The following GLB1 variants were observed in gnomAD, a reference collection of about 807,000 sequenced individuals.
GLB1 encodes galactosidase beta 1, also known as beta-galactosidase.
GLB1 carries 56 observed loss-of-function variants against 74.0 expected under a neutral mutation model. The ratio of observed to expected loss-of-function variants is 0.76; its 90% CI spans 0.61 to 0.94. The LOEUF is 0.94. Among genes scored for constraint, GLB1 ranks in the 40% least tolerant of loss-of-function variants. GLB1 has a pLI of 0.00. For synonymous variants in GLB1, 323 were observed against 323.6 expected, an observed-to-expected ratio of 1.00 and a Z score of 0.02; for missense variants, 787 against 845.5, an observed-to-expected ratio of 0.93 and a Z score of 0.86.
At chr3:33,072,840 G>T in intron 1 of GLB1, 127 bp from the exon 2 acceptor site, 1 of 1,443,058 alleles carries the variant, frequency 6.9e-7, no homozygotes, top group Non-Finnish European at 9.4e-7. Flanking sequence ...CTTAATGCTT[G>T]TTTTCTGAGC....
chr3:33,020,249 G>C (rs900189133), intron 12 of GLB1, among the ~76,000 whole-genome samples: 2 of 152,146 alleles, frequency 1.3e-5, no homozygotes, highest in Admixed American at 6.5e-5. Flanking sequence ...AAAATCACAG[G>C]TGTAAAAACA....
chr3:33,048,822 T>C (rs1698851488), intron 9 of GLB1, among the ~76,000 whole-genome samples: 1 of 152,310 alleles, frequency 6.6e-6, no homozygotes, highest in East Asian at 1.9e-4. Context: ...GCTTCACCCC[T>C]TGCCAGCTGA....
At chr3:33,051,181 C>T (rs1698961046) in intron 9 of GLB1, among the ~76,000 whole-genome samples, 1 of 132,298 alleles carries the variant, frequency 7.6e-6, no homozygotes, top group Non-Finnish European at 1.5e-5. Flanking sequence ...TGCAGTGAGC[C>T]AAGATTTGCA....
chr3:33,018,418 CA>C (rs1361109475), intron 13 of GLB1, 29 bp downstream of exon 13: 1 of 1,589,714 alleles, frequency 6.3e-7, no homozygotes. Context: ...CTCACTGGGA[CA>C]AAACGCACAG....
the GLB1 span, among the ~76,000 whole-genome samples, chr3:32,990,702 G>A: frequency 3.3e-5 from 5 of 152,284 alleles, no homozygotes; most frequent in Admixed American, 2.0e-4. Flanking sequence ...AGTCGGGCGC[G>A]GTGGCTCACG....
the GLB1 span, among the ~76,000 whole-genome samples, chr3:32,978,589 G>A: frequency 6.6e-6 from 1 of 152,030 alleles, no homozygotes; most frequent in African/African-American, 2.4e-5. Context: ...GCAACAACTC[G>A]GCAGAGAGAG....
intron 1 of GLB1, among the ~76,000 whole-genome samples, chr3:33,075,463 C>G (rs1700071984): frequency 6.6e-6 from 1 of 152,224 alleles, no homozygotes; most frequent in Admixed American, 6.5e-5. Flanking sequence ...CTAAATATCT[C>G]CCTACCATCC....
chr3:33,043,850 A>AG (rs1195868707), intron 10 of GLB1, among the ~76,000 whole-genome samples: 1 of 56,610 alleles, frequency 1.8e-5, no homozygotes, highest in Non-Finnish European at 4.3e-5. Context: ...AAAAGAAAAA[A>AG]AAAAAAAAAA....
chr3:33,088,368 T>TACACACAC (rs55949952), intron 1 of GLB1, among the ~76,000 whole-genome samples: 30 of 141,718 alleles, frequency 2.1e-4, no homozygotes, highest in African/African-American at 6.3e-4. Flanking sequence ...CCCTAAAGAC[T>TACACACAC]ACACACACAC....
the GLB1 span, among the ~76,000 whole-genome samples, chr3:32,970,002 C>T: frequency 6.6e-6 from 1 of 152,310 alleles, no homozygotes; most frequent in African/African-American, 2.4e-5. Flanking sequence ...TGTTCATTTG[C>T]ACCTTTTCAG....
At chr3:33,045,171 A>G (rs936222863) in intron 10 of GLB1, 1 of 254,508 alleles carries the variant, frequency 3.9e-6, no homozygotes, top group African/African-American at 2.3e-5. Flanking sequence ...TTCAAGCTTT[A>G]CAGCACAACC....
At chr3:33,046,264 C>T in intron 9 of GLB1, 32 bp from the exon 10 acceptor site, 1 of 1,612,240 alleles carries the variant, frequency 6.2e-7, no homozygotes, top group Non-Finnish European at 8.5e-7. Flanking sequence ...CTAGTTATTA[C>T]TGATGGTGCA....
At chr3:33,094,378 T>C in intron 1 of GLB1, 2 of 1,369,050 alleles carry the variant, frequency 1.5e-6, no homozygotes, top group Admixed American at 3.3e-5. Context: ...CAAAGGCCAC[T>C]TACATCTGCC....
chr3:33,045,317 T>C (rs1182577513), intron 10 of GLB1: 2 of 961,928 alleles, frequency 2.1e-6, no homozygotes, highest in Non-Finnish European at 2.5e-6. Context: ...CAAACATTTA[T>C]TGAGTGCCAT....
At position 33,072,767 on chromosome 3, in the gene GLB1, G is replaced by T. The variant is rs149688811; in HGVS notation, c.76-54C>A. 86 of 1,611,020 alleles carry T rather than the reference G, an allele frequency of 5.3e-5. No individual in the cohort carries two copies. In the African/African-American group the frequency reaches 1.0e-3, roughly 19 times the overall value. Reference sequence around the variant, plus strand: ...AACTTCCACCTTCTGCATTTCAGAAGCCGATCCTTTGAGAGTAGCAAGTGA... The same window carrying T: ...AACTTCCACCTTCTGCATTTCAGAATCCGATCCTTTGAGAGTAGCAAGTGA... On this transcript the variant is annotated intron_variant, in intron 1 of 15. Transcript: ENST00000307363.
chr3:33,026,003 G>A (rs896979306), intron 10 of GLB1, among the ~76,000 whole-genome samples: 2 of 152,176 alleles, frequency 1.3e-5, no homozygotes, highest in Admixed American at 6.5e-5. Context: ...GTCACCCGCT[G>A]GTGGGGGAGC....
chr3:32,997,475 G>A, intron 15 of GLB1, 131 bp from the exon 16 acceptor site: 1 of 1,447,238 alleles, frequency 6.9e-7, no homozygotes, highest in East Asian at 2.5e-5. Context: ...GAGGCTGACA[G>A]CCAGGCCCAT....
At chr3:32,982,102 T>C in the GLB1 span, among the ~76,000 whole-genome samples, 5 of 152,086 alleles carry the variant, frequency 3.3e-5, no homozygotes, top group African/African-American at 9.6e-5. Flanking sequence ...TCAACTGAGG[T>C]TGGGAGTTTG....
the GLB1 span, among the ~76,000 whole-genome samples, chr3:32,972,562 C>T: frequency 6.6e-6 from 1 of 152,118 alleles, no homozygotes; most frequent in Admixed American, 6.6e-5. Flanking sequence ...CCTTTTACCC[C>T]TGTTTATTAG....
Sources: gnomAD v4.1 joint callset for allele counts (sites outside exome capture counted in the v4.1 genomes callset) on GRCh38, gnomAD v4.1.1 for gene constraint, MANE v1.5 for transcripts, NCBI Gene and HGNC (gene_info 2026-07-23, HGNC 2026-07-21) for gene names.